Variants in CAMTA1 observed in about 807,000 individuals in gnomAD.
The protein encoded by CAMTA1 is calmodulin-binding transcription activator 1.
CAMTA1 carries 27 observed loss-of-function variants against 170.9 expected under a neutral mutation model. The observed-to-expected ratio is 0.16, with a 90% CI of 0.12 to 0.22. The LOEUF (loss-of-function observed/expected upper bound fraction) is 0.22, where lower values mean the gene tolerates loss of function less well. Among genes scored for constraint, CAMTA1 ranks in the 10% least tolerant of loss-of-function variants. CAMTA1 has a pLI of 1.00. For missense variants in CAMTA1, 1,619 were observed against 2,217.2 expected (o/e 0.73, Z 5.42); for synonymous variants, 833 against 891.5 (o/e 0.93, Z 1.17).
intron 5 of CAMTA1, among the ~76,000 whole-genome samples, chr1:7,263,278 G>GT (rs1368747227): frequency 6.6e-6 from 1 of 152,140 alleles, no homozygotes; most frequent in Non-Finnish European, 1.5e-5. Flanking sequence ...TAAAGAATCT[G>GT]TTTTTTATAC....
At chr1:7,657,330 C>A (rs1024275540) in intron 7 of CAMTA1, among the ~76,000 whole-genome samples, 1 of 152,204 alleles carries the variant, frequency 6.6e-6, no homozygotes, top group African/African-American at 2.4e-5. Flanking sequence ...GTCCCTCTGT[C>A]TGGGATTCAG....
intron 8 of CAMTA1, 46 bp from the exon 9 acceptor site, chr1:7,663,307 T>C (rs540307165): frequency 1.3e-6 from 2 of 1,512,262 alleles, no homozygotes; most frequent in African/African-American, 1.4e-5. Flanking sequence ...TGTGTGCACA[T>C]GTGTGCCTGC....
chr1:7,583,188 C>G (rs1465022140), intron 6 of CAMTA1, among the ~76,000 whole-genome samples: 1 of 152,036 alleles, frequency 6.6e-6, no homozygotes, highest in Non-Finnish European at 1.5e-5. Context: ...TGCCCATCAT[C>G]CTGGGGAAGA....
At chr1:7,243,077 A>G (rs1008994785) in intron 4 of CAMTA1, among the ~76,000 whole-genome samples, 4 of 152,176 alleles carry the variant, frequency 2.6e-5, no homozygotes, top group African/African-American at 9.7e-5. Flanking sequence ...TATTTCTGAA[A>G]TTTCTATTCT....
intron 4 of CAMTA1, among the ~76,000 whole-genome samples, chr1:7,166,566 T>C (rs1648484833): frequency 6.6e-6 from 1 of 152,234 alleles, no homozygotes; most frequent in Non-Finnish European, 1.5e-5. Context: ...ACAGTGAGGC[T>C]GAGCTTCTTC....
intron 11 of CAMTA1, among the ~76,000 whole-genome samples, chr1:7,724,307 T>C (rs575804547): frequency 6.6e-6 from 1 of 152,338 alleles, no homozygotes; most frequent in East Asian, 1.9e-4. Context: ...AGCTCTAATA[T>C]ACCAATACTA....
intron 4 of CAMTA1, among the ~76,000 whole-genome samples, chr1:7,221,608 C>G (rs77410237): frequency 1.3e-5 from 2 of 151,956 alleles, no homozygotes; most frequent in Non-Finnish European, 2.9e-5. Flanking sequence ...TCTCCAGGCC[C>G]GTGGAATGGG....
intron 11 of CAMTA1, chr1:7,700,619 A>G (rs908371559): frequency 9.9e-5 from 15 of 152,278 alleles, no homozygotes; most frequent in African/African-American, 3.6e-4. Flanking sequence ...GGCAGAGGCT[A>G]CCTTTTCCTA....
intron 3 of CAMTA1, among the ~76,000 whole-genome samples, chr1:6,913,528 C>G (rs1680146975): frequency 6.6e-6 from 1 of 152,202 alleles, no homozygotes; most frequent in Non-Finnish European, 1.5e-5. Flanking sequence ...TTCCCCCTGC[C>G]CCCAGCTTCC....
chr1:7,437,314 C>T (rs1362334500), intron 5 of CAMTA1, among the ~76,000 whole-genome samples: 1 of 152,166 alleles, frequency 6.6e-6, no homozygotes, highest in Non-Finnish European at 1.5e-5. Flanking sequence ...ATCCTGCCAC[C>T]CTGGAGGCTG....
chr1:6,833,536 C>T (rs192974678), intron 3 of CAMTA1, among the ~76,000 whole-genome samples: 1 of 152,294 alleles, frequency 6.6e-6, no homozygotes, highest in Non-Finnish European at 1.5e-5. Context: ...TGACTGTTCT[C>T]AAGCAGGTTC....
chr1:7,316,689 T>C (rs538965141), intron 5 of CAMTA1, among the ~76,000 whole-genome samples: 1 of 152,268 alleles, frequency 6.6e-6, no homozygotes, highest in South Asian at 2.1e-4. Context: ...CCTGGCCTTT[T>C]GTTTTCAGGG....
At chr1:7,132,442 T>C (rs560460586) in intron 4 of CAMTA1, among the ~76,000 whole-genome samples, 2 of 152,314 alleles carry the variant, frequency 1.3e-5, no homozygotes, top group South Asian at 4.1e-4. Flanking sequence ...GCTCGGCTGA[T>C]TTTTGTATTT....
chr1:6,827,946 G>A (rs1647749390), intron 3 of CAMTA1, among the ~76,000 whole-genome samples: 1 of 152,110 alleles, frequency 6.6e-6, no homozygotes, highest in African/African-American at 2.4e-5. Context: ...CCACTGAAGG[G>A]GCTCACACTG....
At chr1:7,424,100 A>C (rs573756087) in intron 5 of CAMTA1, among the ~76,000 whole-genome samples, 1 of 152,014 alleles carries the variant, frequency 6.6e-6, no homozygotes, top group African/African-American at 2.4e-5. Flanking sequence ...CCTTCCTCTC[A>C]CCACCGTCCC....
At chr1:6,848,447 C>T (rs1008932367) in intron 3 of CAMTA1, among the ~76,000 whole-genome samples, 4 of 152,212 alleles carry the variant, frequency 2.6e-5, no homozygotes, top group Non-Finnish European at 5.9e-5. Flanking sequence ...CTGCATCTGG[C>T]CTTTTAGCAC....
chr1:7,408,179 G>A (rs548799021), intron 5 of CAMTA1, among the ~76,000 whole-genome samples: 23 of 136,128 alleles, frequency 1.7e-4, no homozygotes, highest in African/African-American at 6.2e-4. Context: ...GTTGCAAGTG[G>A]CTCAGGGGGA....
chr1:6,828,398 TCTC>T (rs1394293071), intron 3 of CAMTA1, among the ~76,000 whole-genome samples: 4 of 149,924 alleles, frequency 2.7e-5, no homozygotes, highest in Non-Finnish European at 5.9e-5. Context: ...TTCAAGCGGT[TCTC>T]CTGCCTCAGT....
chr1:7,744,776 C>A, intron 16 of CAMTA1, 59 bp from the exon 17 acceptor site: 1 of 1,483,030 alleles, frequency 6.7e-7, no homozygotes, highest in Non-Finnish European at 9.2e-7. Flanking sequence ...GGGAGGTAGA[C>A]CTGGATAACT....
Sources: gnomAD v4.1 joint callset for allele counts (sites outside exome capture counted in the v4.1 genomes callset) on GRCh38, gnomAD v4.1.1 for gene constraint, MANE v1.5 for transcripts, NCBI Gene and HGNC (gene_info 2026-07-23, HGNC 2026-07-21) for gene names.